The following PCDH7 variants were observed in gnomAD, a reference collection of about 807,000 sequenced individuals.
PCDH7 encodes the protein protocadherin-7.
In PCDH7, 17 loss-of-function variants were observed where a neutral mutation model predicts 58.9. The observed-to-expected ratio is 0.29, with a 90% CI of 0.20 to 0.43. The LOEUF (loss-of-function observed/expected upper bound fraction) is 0.43. PCDH7 is among the 20% of genes least tolerant of loss of function. PCDH7 has a pLI of 1.00. For missense variants in PCDH7, 1,274 were observed against 1,441.0 expected, an observed-to-expected ratio of 0.88 and a Z score of 1.88; for synonymous variants, 664 against 616.4, an observed-to-expected ratio of 1.08 and a Z score of -1.14.
At chr4:31,007,389 T>A (rs1752853113) in intron 3 of PCDH7, among the ~76,000 whole-genome samples, 1 of 152,166 alleles carries the variant, frequency 6.6e-6, no homozygotes, top group Non-Finnish European at 1.5e-5. Context: ...CTAGTTCCTT[T>A]CTTCCTCTAT....
At chr4:31,072,410 C>G (rs73218817) in intron 3 of PCDH7, among the ~76,000 whole-genome samples, 10,678 of 151,966 alleles carry the variant, frequency 0.07, 530 homozygotes, top group Middle Eastern at 0.12. Flanking sequence ...AATAATTATG[C>G]TTTAATATAA....
chr4:30,796,124 T>A (rs1000026359), intron 1 of PCDH7, among the ~76,000 whole-genome samples: 1 of 152,240 alleles, frequency 6.6e-6, no homozygotes, highest in African/African-American at 2.4e-5. Context: ...TCTCAGCTGC[T>A]GCTACATCAT....
At chr4:30,750,263 G>A (rs1005444955) in intron 1 of PCDH7, among the ~76,000 whole-genome samples, 1 of 152,138 alleles carries the variant, frequency 6.6e-6, no homozygotes, top group Non-Finnish European at 1.5e-5. Flanking sequence ...GGCCCTGAAG[G>A]CTGGAAATCC....
intron 3 of PCDH7, among the ~76,000 whole-genome samples, chr4:31,128,602 G>C (rs746211768): frequency 6.6e-6 from 1 of 152,042 alleles, no homozygotes; most frequent in Non-Finnish European, 1.5e-5. Flanking sequence ...TCGTGACAAC[G>C]CTAAAATAAC....
intron 1 of PCDH7, among the ~76,000 whole-genome samples, chr4:30,750,349 G>A (rs1718346102): frequency 6.6e-6 from 1 of 152,110 alleles, no homozygotes; most frequent in African/African-American, 2.4e-5. Context: ...AGAGGTCAAG[G>A]GACCTTGTGA....
At chr4:31,138,772 G>T (rs1719913085) in intron 3 of PCDH7, among the ~76,000 whole-genome samples, 1 of 152,090 alleles carries the variant, frequency 6.6e-6, no homozygotes, top group African/African-American at 2.4e-5. Context: ...AGAAGTTCAA[G>T]ACCAGCCTGG....
At chr4:31,008,054 A>T (rs957946806) in intron 3 of PCDH7, among the ~76,000 whole-genome samples, 25 of 152,174 alleles carry the variant, frequency 1.6e-4, no homozygotes, top group Admixed American at 6.6e-5. Flanking sequence ...CAATAAACAG[A>T]AACAGTCAGA....
chr4:30,998,287 G>A (rs28489003), intron 3 of PCDH7, among the ~76,000 whole-genome samples: 11,398 of 152,106 alleles, frequency 0.075, 1,410 homozygotes, highest in African/African-American at 0.26. Flanking sequence ...TCTCTGGAGA[G>A]TGGAATGCCA....
chr4:30,878,028 G>A (rs760490479), intron 1 of PCDH7, among the ~76,000 whole-genome samples: 6 of 152,152 alleles, frequency 3.9e-5, no homozygotes, highest in Non-Finnish European at 7.4e-5. Flanking sequence ...AAGTGTGTGA[G>A]GAAGAGCAGC....
intron 3 of PCDH7, among the ~76,000 whole-genome samples, chr4:31,017,558 G>A (rs972331797): frequency 3.3e-5 from 5 of 152,030 alleles, no homozygotes; most frequent in African/African-American, 1.2e-4. Context: ...TTTCTGATAT[G>A]AAGATTCATT....
chr4:31,120,441 C>CTTTTTTTTTTTTTTTT (rs138878762), intron 3 of PCDH7, among the ~76,000 whole-genome samples: 1 of 107,998 alleles, frequency 9.3e-6, no homozygotes, highest in South Asian at 3.1e-4. Context: ...CTATTTTTTT[C>CTTTTTTTTTTTTTTTT]TTTTTTTTTT....
intron 3 of PCDH7, among the ~76,000 whole-genome samples, chr4:31,093,106 T>G (rs1045095550): frequency 1.3e-5 from 2 of 152,148 alleles, no homozygotes; most frequent in Admixed American, 6.6e-5. Context: ...GGTCCAGTGA[T>G]GGGCACATGG....
intron 3 of PCDH7, among the ~76,000 whole-genome samples, chr4:30,954,394 G>A (rs1346248242): frequency 6.6e-6 from 1 of 151,808 alleles, no homozygotes; most frequent in Non-Finnish European, 1.5e-5. Context: ...ATTCTCAAGA[G>A]TTCCAGTGCT....
At chr4:30,726,996 A>G (rs1442316826) in intron 1 of PCDH7, among the ~76,000 whole-genome samples, 1 of 151,924 alleles carries the variant, frequency 6.6e-6, no homozygotes, top group African/African-American at 2.4e-5. Context: ...CAGAACTGCC[A>G]AAATATATTT....
At chr4:30,840,285 G>C (rs1731043534) in intron 1 of PCDH7, among the ~76,000 whole-genome samples, 1 of 152,038 alleles carries the variant, frequency 6.6e-6, no homozygotes, top group African/African-American at 2.4e-5. Context: ...GCCTTGCTCT[G>C]TCGGATGTCC....
chr4:30,795,367 C>T (rs1724652375), intron 1 of PCDH7, among the ~76,000 whole-genome samples: 1 of 151,736 alleles, frequency 6.6e-6, no homozygotes, highest in African/African-American at 2.4e-5. Context: ...GTATGACATA[C>T]ACAATATAAT....
intron 2 of PCDH7, among the ~76,000 whole-genome samples, chr4:30,928,392 G>T (rs1048110022): frequency 6.6e-6 from 1 of 152,162 alleles, no homozygotes; most frequent in Non-Finnish European, 1.5e-5. Flanking sequence ...AACAATAGGT[G>T]TCTCTTGTTT....
intron 3 of PCDH7, among the ~76,000 whole-genome samples, chr4:31,026,358 C>A (rs760475677): frequency 2.6e-5 from 4 of 152,078 alleles, no homozygotes; most frequent in Admixed American, 1.3e-4. Flanking sequence ...CAAGGATTCC[C>A]GAGGCTATGA....
At chr4:30,773,791 G>T (rs1186542933) in intron 1 of PCDH7, among the ~76,000 whole-genome samples, 2 of 152,108 alleles carry the variant, frequency 1.3e-5, no homozygotes, top group African/African-American at 4.8e-5. Context: ...TATTCTGGGA[G>T]GGATTCCCTT....
Sources: gnomAD v4.1 joint callset for allele counts (sites outside exome capture counted in the v4.1 genomes callset) on GRCh38, gnomAD v4.1.1 for gene constraint, MANE v1.5 for transcripts, NCBI Gene and HGNC (gene_info 2026-07-23, HGNC 2026-07-21) for gene names.